Variants in ASTN2 observed in about 807,000 individuals in gnomAD.
ASTN2 encodes the protein astrotactin 2, also known as astrotactin-2.
Under a neutral mutation model 139.8 loss-of-function variants are expected in ASTN2, and 54 were observed. The ratio of observed to expected loss-of-function variants is 0.39; its 90% CI spans 0.31 to 0.48. The LOEUF (loss-of-function observed/expected upper bound fraction) is 0.48. Ranked by LOEUF, ASTN2 falls within the 20% of genes least tolerant of loss-of-function variation. The pLI, the probability that ASTN2 is intolerant of heterozygous loss-of-function variation, is 0.95. For missense variants in ASTN2, 1,565 were observed against 1,725.1 expected (o/e 0.91, Z 1.64); for synonymous variants, 756 against 719.5 (o/e 1.05, Z -0.81).
intron 1 of ASTN2, among the ~76,000 whole-genome samples, chr9:117,396,643 G>A (rs901468725): frequency 6.6e-6 from 1 of 152,068 alleles, no homozygotes; most frequent in African/African-American, 2.4e-5. Context: ...TTGGCTCACT[G>A]CAAACTCCGC....
At chr9:116,602,802 C>T (rs1321743302) in intron 19 of ASTN2, among the ~76,000 whole-genome samples, 2 of 152,048 alleles carry the variant, frequency 1.3e-5, no homozygotes, top group Admixed American at 6.6e-5. Flanking sequence ...TGGTGGCATG[C>T]ATCTACAGTC....
chr9:117,338,223 A>G (rs907553520), intron 1 of ASTN2, among the ~76,000 whole-genome samples: 30 of 152,054 alleles, frequency 2.0e-4, no homozygotes, highest in African/African-American at 7.2e-4. Flanking sequence ...TTTCTACTCA[A>G]ATTACTATTC....
At chr9:116,809,918 A>G (rs1285855895) in intron 12 of ASTN2, among the ~76,000 whole-genome samples, 1 of 152,202 alleles carries the variant, frequency 6.6e-6, no homozygotes, top group African/African-American at 2.4e-5. Context: ...CTATGCTGAC[A>G]TGATTCAAGT....
At chr9:116,751,707 A>G (rs1829408253) in intron 13 of ASTN2, among the ~76,000 whole-genome samples, 1 of 152,162 alleles carries the variant, frequency 6.6e-6, no homozygotes, top group African/African-American at 2.4e-5. Context: ...TTGCTTTCCC[A>G]TATGCTGGCA....
At chr9:116,838,101 G>GT (rs752512675) in intron 11 of ASTN2, among the ~76,000 whole-genome samples, 11,979 of 133,634 alleles carry the variant, frequency 0.09, 739 homozygotes, top group East Asian at 0.21. Flanking sequence ...GCCTGGCTGT[G>GT]TTTTTTTTTG....
intron 7 of ASTN2, among the ~76,000 whole-genome samples, chr9:117,001,777 A>G (rs566930360): frequency 6.6e-6 from 1 of 152,258 alleles, no homozygotes; most frequent in East Asian, 1.9e-4. Context: ...TTCTTCAGGC[A>G]TGGGGCACTT....
intron 2 of ASTN2, among the ~76,000 whole-genome samples, chr9:117,221,278 C>T (rs1832507992): frequency 6.6e-6 from 1 of 152,020 alleles, no homozygotes; most frequent in Non-Finnish European, 1.5e-5. Context: ...AAGTATAAAG[C>T]ACTTCAAACC....
intron 4 of ASTN2, among the ~76,000 whole-genome samples, chr9:117,133,635 G>A (rs1829876141): frequency 2.0e-5 from 3 of 152,142 alleles, no homozygotes; most frequent in African/African-American, 7.2e-5. Flanking sequence ...AGTAATTAAG[G>A]GAGAAGATAA....
At chr9:116,869,010 C>A (rs753091349) in intron 10 of ASTN2, among the ~76,000 whole-genome samples, 4 of 152,100 alleles carry the variant, frequency 2.6e-5, no homozygotes, top group Non-Finnish European at 4.4e-5. Flanking sequence ...CATGGTGAAA[C>A]CCTGTCTCTA....
intron 19 of ASTN2, among the ~76,000 whole-genome samples, chr9:116,494,748 T>C (rs932025079): frequency 6.6e-6 from 1 of 152,198 alleles, no homozygotes. Flanking sequence ...AACAGTTTCA[T>C]CTGTAAATAA....
intron 2 of ASTN2, among the ~76,000 whole-genome samples, chr9:117,220,387 C>G (rs924436826): frequency 6.6e-6 from 1 of 152,182 alleles, no homozygotes; most frequent in Non-Finnish European, 1.5e-5. Context: ...CTTCTGCACT[C>G]TCTATCCCCT....
intron 16 of ASTN2, among the ~76,000 whole-genome samples, chr9:116,654,638 A>T (rs753331742): frequency 7.2e-5 from 11 of 152,226 alleles, no homozygotes; most frequent in Non-Finnish European, 1.5e-4. Context: ...TGTGTCCCAA[A>T]GAAGGAAAAT....
At chr9:117,359,318 T>G (rs1829632063) in intron 1 of ASTN2, among the ~76,000 whole-genome samples, 1 of 152,134 alleles carries the variant, frequency 6.6e-6, no homozygotes, top group South Asian at 2.1e-4. Context: ...CATGACACAA[T>G]GTAAATGCAA....
chr9:117,338,412 C>T (rs542945378), intron 1 of ASTN2, among the ~76,000 whole-genome samples: 100 of 152,268 alleles, frequency 6.6e-4, no homozygotes, highest in African/African-American at 2.3e-3. Context: ...CAGATCCTAT[C>T]CATTTATCAG....
intron 2 of ASTN2, among the ~76,000 whole-genome samples, chr9:117,257,903 C>A (rs4838358): frequency 0.98 from 149,392 of 152,346 alleles, 73,320 homozygotes; most frequent in Middle Eastern, 1. Context: ...GTTTTCCCAC[C>A]TATACAGTGG....
intron 19 of ASTN2, among the ~76,000 whole-genome samples, chr9:116,587,568 G>A (rs2131725912): frequency 6.6e-6 from 1 of 152,044 alleles, no homozygotes; most frequent in Non-Finnish European, 1.5e-5. Flanking sequence ...TATATAGTAG[G>A]GATAATGATA....
intron 10 of ASTN2, among the ~76,000 whole-genome samples, chr9:116,949,526 A>G (rs1835498305): frequency 3.3e-5 from 5 of 152,196 alleles, no homozygotes; most frequent in Admixed American, 3.3e-4. Flanking sequence ...TGTAAGTGGA[A>G]GAGACTGGGT....
chr9:116,448,008 C>T (rs1848054415), intron 20 of ASTN2, among the ~76,000 whole-genome samples: 1 of 152,168 alleles, frequency 6.6e-6, no homozygotes, highest in Non-Finnish European at 1.5e-5. Context: ...ACAGATCTGA[C>T]AGGGGGTAAG....
chr9:116,918,305 C>T lies in ASTN2; in HGVS notation c.1890-54572G>A, dbSNP rs1490388770. Among the ~76,000 whole-genome samples, 4 of 152,156 alleles carry T rather than the reference C, an allele frequency of 2.6e-5. No individual in the cohort carries two copies. In the East Asian group the frequency reaches 7.7e-4, roughly 29 times the overall value. ...CTCATTGAGCAGGAAACAGGGAGGG[C>T]TTTCTGCAGGTGACTAGCAGTGGAG... On this transcript the variant is annotated intron_variant, in intron 10 of 22. Coordinates refer to ENST00000313400, the MANE Select transcript of ASTN2 (RefSeq NM_001365068.1).
Sources: gnomAD v4.1 joint callset for allele counts (sites outside exome capture counted in the v4.1 genomes callset) on GRCh38, gnomAD v4.1.1 for gene constraint, MANE v1.5 for transcripts, NCBI Gene and HGNC (gene_info 2026-07-23, HGNC 2026-07-21) for gene names.